Variants in SMCHD1 observed in about 807,000 individuals in gnomAD.
SMCHD1 encodes the protein structural maintenance of chromosomes flexible hinge domain containing 1, also known as structural maintenance of chromosomes flexible hinge domain-containing protein 1.
SMCHD1 carries 78 observed loss-of-function variants against 254.7 expected under a neutral mutation model. The observed-to-expected ratio is 0.31, with a 90% confidence interval of 0.26 to 0.37. SMCHD1 has a LOEUF of 0.37. SMCHD1 is among the 10% of genes least tolerant of loss of function. SMCHD1 has a pLI of 1.00. For synonymous variants in SMCHD1, 766 were observed against 794.9 expected (o/e 0.96, Z 0.61); for missense variants, 1,840 against 2,408.1 (o/e 0.76, Z 4.94).
intron 34 of SMCHD1, among the ~76,000 whole-genome samples, chr18:2,755,499 T>C (rs972355360): frequency 6.6e-6 from 1 of 151,538 alleles, no homozygotes; most frequent in Admixed American, 6.6e-5. Flanking sequence ...TTAAGAAAAA[T>C]GTCTAGGATT....
intron 39 of SMCHD1, among the ~76,000 whole-genome samples, chr18:2,770,841 G>GCA (rs2143742092): frequency 1.3e-5 from 2 of 152,120 alleles, no homozygotes; most frequent in Admixed American, 1.3e-4. Context: ...GGCTGGTCTC[G>GCA]AACTTCTTAC....
intron 10 of SMCHD1, among the ~76,000 whole-genome samples, chr18:2,698,297 C>T (rs947562348): frequency 1.3e-5 from 2 of 152,088 alleles, no homozygotes; most frequent in African/African-American, 4.8e-5. Flanking sequence ...GATATGTATG[C>T]GTATTAATCC....
chr18:2,677,192 C>CAT (rs1478898368), intron 5 of SMCHD1, among the ~76,000 whole-genome samples: 1 of 151,970 alleles, frequency 6.6e-6, no homozygotes. Context: ...AGGGAATACC[C>CAT]ATATACTCAC....
At chr18:2,748,380 G>GTGTGTATATA (rs561439889) in intron 30 of SMCHD1, among the ~76,000 whole-genome samples, 1,026 of 80,220 alleles carry the variant, frequency 0.013, 19 homozygotes, top group South Asian at 0.017. Context: ...GTGTGTGTGT[G>GTGTGTATATA]TGTATATAAA....
chr18:2,752,266 T>G (rs2075589632), intron 33 of SMCHD1, among the ~76,000 whole-genome samples: 1 of 152,196 alleles, frequency 6.6e-6, no homozygotes, highest in Non-Finnish European at 1.5e-5. Flanking sequence ...AAAGTTCTAC[T>G]GTGTGTCTTT....
intron 1 of SMCHD1, among the ~76,000 whole-genome samples, chr18:2,663,514 C>G (rs2073351764): frequency 6.6e-6 from 1 of 152,102 alleles, no homozygotes; most frequent in South Asian, 2.1e-4. Context: ...TTTAATTCTC[C>G]TGGAATTTAT....
At chr18:2,684,989 C>T (rs1731662968) in intron 5 of SMCHD1, among the ~76,000 whole-genome samples, 1 of 151,636 alleles carries the variant, frequency 6.6e-6, no homozygotes, top group African/African-American at 2.4e-5. Flanking sequence ...TCATTTGCCT[C>T]TCTCCTTAAT....
intron 17 of SMCHD1, among the ~76,000 whole-genome samples, chr18:2,709,918 C>A (rs1367829489): frequency 6.6e-6 from 1 of 152,102 alleles, no homozygotes; most frequent in Admixed American, 6.5e-5. Context: ...CAATTAGTTT[C>A]TTTTTTCTTT....
intron 1 of SMCHD1, among the ~76,000 whole-genome samples, chr18:2,661,972 A>C (rs1243404188): frequency 5.2e-3 from 2 of 384 alleles, no homozygotes; most frequent in African/African-American, 0.012. Flanking sequence ...CTGGCTAACA[A>C]GGTGAAACCC....
intron 21 of SMCHD1, among the ~76,000 whole-genome samples, chr18:2,725,999 T>TA (rs1447870531): frequency 6.6e-6 from 1 of 151,934 alleles, no homozygotes; most frequent in Non-Finnish European, 1.5e-5. Flanking sequence ...GACTTTTTTT[T>TA]ACTTGTCTCC....
At position 2,655,844 on chromosome 18, in the gene SMCHD1, G is replaced by T. The variant is rs1055068929; in HGVS notation, c.-232G>T. The T allele has an allele frequency of 8.6e-6, 3 of 349,874 alleles. No homozygotes were observed. The highest frequency in any genetic ancestry group is 1.5e-5 in the Non-Finnish European group (3 of 195,078). 21.7% of individuals were successfully genotyped at this position (349,874 alleles called of 1,614,324 possible). On this transcript the variant is annotated 5_prime_UTR_variant, in exon 1 of 48. Transcript: ENST00000320876. ...GCGCGTCCCCTTCTCCTCAGGAGTG[G>T]CGGGCCGCGGAAGTGACGTGGTGCA...
intron 41 of SMCHD1, among the ~76,000 whole-genome samples, chr18:2,774,900 G>A (rs889726805): frequency 3.3e-5 from 5 of 152,170 alleles, no homozygotes; most frequent in East Asian, 1.9e-4. Context: ...GGGTGTTCAC[G>A]CACATGCGTG....
At chr18:2,713,100 A>C (rs577743643) in intron 17 of SMCHD1, among the ~76,000 whole-genome samples, 2 of 152,314 alleles carry the variant, frequency 1.3e-5, no homozygotes, top group East Asian at 1.9e-4. Flanking sequence ...GAGCTGTATG[A>C]GCTGTTTCTT....
intron 40 of SMCHD1, 103 bp downstream of exon 40, chr18:2,771,721 G>C (rs2075987852): frequency 1.3e-5 from 12 of 918,012 alleles, no homozygotes; most frequent in Admixed American, 3.3e-5. Flanking sequence ...TGTTGTTTTA[G>C]GGTACAAAGA....
intron 1 of SMCHD1, among the ~76,000 whole-genome samples, chr18:2,664,659 C>T (rs2073387000): frequency 6.6e-6 from 1 of 152,174 alleles, no homozygotes; most frequent in Non-Finnish European, 1.5e-5. Flanking sequence ...TGGCATTACA[C>T]TGGGAGGCAC....
At chr18:2,679,652 T>A (rs1264440409) in intron 5 of SMCHD1, among the ~76,000 whole-genome samples, 2 of 152,132 alleles carry the variant, frequency 1.3e-5, no homozygotes, top group Non-Finnish European at 1.5e-5. Context: ...GCTTTTGAGA[T>A]TCTCTTTTTG....
Position 2,679,235 on chromosome 18 carries a change from T to C in SMCHD1, c.638+5090T>C, listed in dbSNP as rs772611097. Among the ~76,000 whole-genome samples, 183 of 147,630 alleles carry C rather than the reference T, an allele frequency of 1.2e-3. 1 individual carries two copies. Among genetic ancestry groups the C allele is most frequent in the East Asian group, 6.3e-4 (3 of 4,790 alleles). On this transcript the variant is annotated intron_variant, in intron 5 of 47. Coordinates refer to ENST00000320876, the MANE Select transcript of SMCHD1 (RefSeq NM_015295.3). ...TGGCTCGCACCTGTAATCCCAGCAC[T>C]TTGGGAGGGCGAGGCAGGCAGATCA...
At chr18:2,711,437 A>G (rs1261074872) in intron 17 of SMCHD1, among the ~76,000 whole-genome samples, 1 of 150,350 alleles carries the variant, frequency 6.7e-6, no homozygotes, top group Non-Finnish European at 1.5e-5. Flanking sequence ...TTGCATTCCA[A>G]GAGTAAATCT....
rs1442366521 is a variant in SMCHD1, at chr18:2,769,786, A to G, written c.4812A>G (p.Leu1604=). The G allele has an allele frequency of 1.2e-6, 2 of 1,605,128 alleles. No individual in the cohort carries two copies. The highest frequency in any genetic ancestry group is 1.3e-5 in the African/African-American group (1 of 74,844). The change falls in exon 38 of 48, where the codon TTA becomes TTG. Residue 1604 remains leucine, a synonymous_variant. Coordinates refer to ENST00000320876, the MANE Select transcript of SMCHD1 (RefSeq NM_015295.3). ...GGCTACCACTTTTATCAAGAACCTT[A>G]GAACCATATATCCTACCGTTCATGT... is the stretch of plus-strand genomic sequence containing the variant. ...EPRLPLLSRT[L]EPYILPFMFY...
Sources: allele counts gnomAD v4.1 joint callset (sites outside exome capture counted in the v4.1 genomes callset), GRCh38; gene constraint gnomAD v4.1.1; transcripts MANE v1.5; gene names NCBI Gene and HGNC (gene_info 2026-07-23, HGNC 2026-07-21).